Variants in PCDHA3 observed in about 807,000 individuals in gnomAD.
The protein encoded by PCDHA3 is protocadherin alpha-3.
PCDHA3 carries 41 observed loss-of-function variants against 62.2 expected under a neutral mutation model. The observed-to-expected ratio is 0.66, with a 90% CI of 0.51 to 0.86. The LOEUF (loss-of-function observed/expected upper bound fraction) is 0.86. PCDHA3 is among the 40% of genes least tolerant of loss of function. The pLI, the probability that PCDHA3 is intolerant of heterozygous loss-of-function variation, is 0.00. For missense variants in PCDHA3, 1,304 were observed against 1,241.2 expected, an observed-to-expected ratio of 1.05 and a Z score of -0.76; for synonymous variants, 640 against 555.4, an observed-to-expected ratio of 1.15 and a Z score of -2.14.
chr5:140,928,461 C>T, intron 1 of PCDHA3: 2 of 1,614,108 alleles, frequency 1.2e-6, no homozygotes, highest in Non-Finnish European at 1.7e-6. Context: ...GGTTTCATTT[C>T]CAAGTAGAAG....
intron 1 of PCDHA3, chr5:140,863,349 G>T: frequency 7.7e-7 from 1 of 1,302,266 alleles, no homozygotes. Flanking sequence ...TGCTGTACAC[G>T]ACGCTGCGGT....
At chr5:140,903,979 C>T (rs988987540) in intron 1 of PCDHA3, among the ~76,000 whole-genome samples, 3 of 152,150 alleles carry the variant, frequency 2.0e-5, no homozygotes, top group Admixed American at 2.0e-4. Flanking sequence ...GGTCTATTCA[C>T]AATGTAACAG....
Position 140,928,358 on chromosome 5 carries a change from CT to C in PCDHA3, c.2395-50590del, listed in dbSNP as rs782782118. 3.7e-6 allele frequency: 6 copies of C among 1,614,178 alleles called. No homozygotes were observed. In the Admixed American group the frequency reaches 1.0e-4, roughly 27 times the overall value. ...TCTTATGAGCTGTTGGATGTTATCT[CT>C]GAAGGGCCATCAGCCTCTAGCTTGC... On this transcript the variant is annotated intron_variant, in intron 1 of 3. Coordinates refer to ENST00000522353, the MANE Select transcript of PCDHA3 (RefSeq NM_018906.3).
At chr5:140,870,370 GT>G in intron 1 of PCDHA3, 1 of 1,614,208 alleles carries the variant, frequency 6.2e-7, no homozygotes. Context: ...CTATGAACTG[GT>G]GGTGACTGCG....
At chr5:140,953,092 G>A (rs141861684) in intron 1 of PCDHA3, among the ~76,000 whole-genome samples, 2 of 152,252 alleles carry the variant, frequency 1.3e-5, no homozygotes, top group South Asian at 2.1e-4. Context: ...ATTACAATTT[G>A]ACATGAGATT....
chr5:140,822,479 A>G, intron 1 of PCDHA3: 5 of 1,613,856 alleles, frequency 3.1e-6, no homozygotes, highest in Non-Finnish European at 4.2e-6. Context: ...TTGGATGCTA[A>G]TGATAACGCC....
At chr5:140,975,634 A>G (rs1457671890) in intron 1 of PCDHA3, among the ~76,000 whole-genome samples, 4 of 152,244 alleles carry the variant, frequency 2.6e-5, no homozygotes, top group African/African-American at 9.6e-5. Context: ...TGGTACGAAG[A>G]TAGCATATTA....
At chr5:140,823,280 C>A (rs150026852) in intron 1 of PCDHA3, 1 of 1,612,332 alleles carries the variant, frequency 6.2e-7, no homozygotes, top group African/African-American at 1.3e-5. Context: ...GGCGAGCGCC[C>A]GCTGTCGAGT....
intron 1 of PCDHA3, among the ~76,000 whole-genome samples, chr5:140,945,407 T>G (rs554073823): frequency 6.6e-6 from 1 of 152,128 alleles, no homozygotes; most frequent in Non-Finnish European, 1.5e-5. Context: ...ATACAATTCG[T>G]ATCAAAATTT....
At chr5:140,805,479 G>C in intron 1 of PCDHA3, 1 of 998,068 alleles carries the variant, frequency 1.0e-6, no homozygotes, top group Non-Finnish European at 1.2e-6. Flanking sequence ...TCAATAGAGA[G>C]GGAGCGTAAA....
chr5:140,887,385 C>T (rs1015937560), intron 1 of PCDHA3, among the ~76,000 whole-genome samples: 3 of 152,124 alleles, frequency 2.0e-5, no homozygotes, highest in Admixed American at 6.5e-5. Context: ...TGTGAGCCAC[C>T]GCGCCCGGCT....
rs782226179 is a variant in PCDHA3 at position 140,803,318 on chromosome 5, G to A, written c.2121G>A (p.Val707=). 3.1e-6 allele frequency: 5 copies of A among 1,614,152 alleles called. No individual in the cohort carries two copies. The Admixed American group carries it at 8.3e-5, about 27-fold the overall frequency. Reference sequence around the variant, plus strand: ...ACTTGATCGTCGCCATCTGCGCGGTGTCCAGTCTGTTGGTGCTCACACTGC... The same window carrying A: ...ACTTGATCGTCGCCATCTGCGCGGTATCCAGTCTGTTGGTGCTCACACTGC... ...NVYLIVAICA[V]SSLLVLTLLL... The change falls in exon 1 of 4, where the codon GTG becomes GTA. Residue 707 remains valine, a synonymous_variant. Coordinates refer to ENST00000522353, the MANE Select transcript of PCDHA3 (RefSeq NM_018906.3).
At chr5:140,886,339 C>T (rs181002773) in intron 1 of PCDHA3, among the ~76,000 whole-genome samples, 87 of 151,982 alleles carry the variant, frequency 5.7e-4, no homozygotes, top group Non-Finnish European at 1.2e-3. Flanking sequence ...ATGTGCAGAA[C>T]GTGCAGGTTT....
chr5:140,999,180 GAGA>G (rs1554256675), intron 3 of PCDHA3, among the ~76,000 whole-genome samples: 1 of 152,238 alleles, frequency 6.6e-6, no homozygotes, highest in East Asian at 1.9e-4. Context: ...GCCTGATGGG[GAGA>G]GGGTCCTTGG....
rs558490430 is a variant in PCDHA3, at chr5:140,909,702, G to A, written c.2395-69247G>A. ...AGCCAATGTGGGGGTTCTGCTAGCT[G>A]CTAAGTATACCTATGCCAATTATGC... is the stretch of plus-strand genomic sequence containing the variant. On this transcript the variant is annotated intron_variant, in intron 1 of 3. Transcript: ENST00000522353. Among the ~76,000 whole-genome samples the A allele has an allele frequency of 3.3e-5, 5 of 152,302 alleles. No individual in the cohort carries two copies. In the East Asian group the frequency reaches 9.6e-4, roughly 29 times the overall value.
At chr5:140,967,156 G>A (rs1169438367) in intron 1 of PCDHA3, 1 of 1,610,422 alleles carries the variant, frequency 6.2e-7, no homozygotes, top group Admixed American at 1.7e-5. Context: ...ACCCCGTGGC[G>A]GTGAGCGCCG....
At position 140,876,665 on chromosome 5, in the gene PCDHA3, T is replaced by C. The variant is rs781830697; in HGVS notation, c.2394+73074T>C. 98 of 1,614,080 alleles carry C rather than the reference T, an allele frequency of 6.1e-5. 1 individual carries two copies. The South Asian group carries it at 9.4e-4, about 16-fold the overall frequency. ...ACACCTCATGTTCCCTTCAAGCTGG[T>C]GTCCACCTACAAGAATTACTACTCG... On this transcript the variant is annotated intron_variant, in intron 1 of 3. Coordinates refer to ENST00000522353, the MANE Select transcript of PCDHA3 (RefSeq NM_018906.3).
Position 140,982,498 on chromosome 5 carries a change from G to A in PCDHA3, c.2477G>A (p.Gly826Asp), listed in dbSNP as rs782347331. The change falls in exon 3 of 4, where the codon GGC becomes GAC. Residue 826 changes from glycine to aspartate, a missense_variant. By Grantham distance (94) the Gly-to-Asp change is moderately conservative. Transcript: ENST00000522353. ...AGCTCTGTGCACCTAGAGGAGGCTG[G>A]CATTCTACGGGCTGGTCCAGGAGGG... Reference protein sequence around the residue: ...MHSSVHLEEAGILRAGPGGPD... With the variant: ...MHSSVHLEEADILRAGPGGPD... 6 of 1,614,062 alleles carry A rather than the reference G, an allele frequency of 3.7e-6. No homozygotes were observed. The Admixed American group carries it at 5.0e-5, about 13-fold the overall frequency.
chr5:140,928,033 A>G, intron 1 of PCDHA3: 1 of 1,614,198 alleles, frequency 6.2e-7, no homozygotes, highest in Non-Finnish European at 8.5e-7. Context: ...TGGCATGTCT[A>G]GTGCAGGCCC....
Sources: allele counts gnomAD v4.1 joint callset (sites outside exome capture counted in the v4.1 genomes callset), GRCh38; gene constraint gnomAD v4.1.1; transcripts MANE v1.5; gene names NCBI Gene and HGNC (gene_info 2026-07-23, HGNC 2026-07-21).